The following GPC5 variants were observed in gnomAD, a reference collection of about 807,000 sequenced individuals.
The protein encoded by GPC5 is glypican-5.
Under a neutral mutation model 53.9 loss-of-function variants are expected in GPC5, and 47 were observed. That is an observed-to-expected ratio of 0.87 (90% CI 0.69 to 1.11). GPC5 has a LOEUF of 1.11. Ranked by LOEUF, GPC5 falls within the 50% of genes most tolerant of loss-of-function variation. GPC5 has a pLI of 0.00. For synonymous variants in GPC5, 286 were observed against 263.3 expected (o/e 1.09, Z -0.84); for missense variants, 748 against 713.1 (o/e 1.05, Z -0.56).
chr13:92,555,556 A>C (rs187802477), intron 7 of GPC5, among the ~76,000 whole-genome samples: 27 of 150,954 alleles, frequency 1.8e-4, no homozygotes, highest in Non-Finnish European at 3.0e-4. Context: ...GAAATGATTT[A>C]CCTTACAATT....
At chr13:91,650,590 A>G (rs905990712) in intron 2 of GPC5, among the ~76,000 whole-genome samples, 19 of 152,122 alleles carry the variant, frequency 1.2e-4, no homozygotes, top group African/African-American at 4.6e-4. Context: ...CCTGGAGAAT[A>G]TAAAATATAC....
At chr13:91,862,388 G>A (rs9523438) in intron 5 of GPC5, among the ~76,000 whole-genome samples, 90,341 of 152,018 alleles carry the variant, frequency 0.59, 27,504 homozygotes, top group East Asian at 0.95. Flanking sequence ...ACATCTGATA[G>A]TAGCTCAAGA....
At chr13:91,986,158 C>T (rs1451411590) in intron 6 of GPC5, among the ~76,000 whole-genome samples, 3 of 147,128 alleles carry the variant, frequency 2.0e-5, no homozygotes, top group Non-Finnish European at 4.5e-5. Context: ...CTCCGCCTCC[C>T]AGGTTCATAC....
chr13:92,408,504 C>CAGAGACT, intron 7 of GPC5, among the ~76,000 whole-genome samples: 1 of 151,954 alleles, frequency 6.6e-6, no homozygotes, highest in Non-Finnish European at 1.5e-5. Context: ...TCATCTGTAA[C>CAGAGACT]TAAGTCTCTG....
At chr13:92,693,935 T>C (rs1406900561) in intron 7 of GPC5, among the ~76,000 whole-genome samples, 2 of 152,180 alleles carry the variant, frequency 1.3e-5, no homozygotes, top group Non-Finnish European at 2.9e-5. Flanking sequence ...AATGATTTCA[T>C]GGGTCAGGCC....
At chr13:92,064,389 A>G (rs1464659618) in intron 6 of GPC5, among the ~76,000 whole-genome samples, 1 of 152,178 alleles carries the variant, frequency 6.6e-6, no homozygotes, top group East Asian at 1.9e-4. Context: ...CAGGCTGGAC[A>G]TTTGGATAGT....
At chr13:91,967,501 A>C (rs2040192335) in intron 6 of GPC5, among the ~76,000 whole-genome samples, 1 of 152,094 alleles carries the variant, frequency 6.6e-6, no homozygotes, top group South Asian at 2.1e-4. Flanking sequence ...AAATTAAAAA[A>C]ATTATTTTTC....
chr13:91,763,752 A>C (rs2037464922), intron 5 of GPC5, among the ~76,000 whole-genome samples: 2 of 152,072 alleles, frequency 1.3e-5, no homozygotes, highest in Admixed American at 1.3e-4. Context: ...TTTTTATTTC[A>C]TTGATAGTCC....
intron 2 of GPC5, among the ~76,000 whole-genome samples, chr13:91,640,635 C>T (rs1404721581): frequency 1.3e-5 from 2 of 151,898 alleles, no homozygotes; most frequent in South Asian, 2.1e-4. Flanking sequence ...TAGGTTTATA[C>T]CTAAAGGAAT....
At chr13:92,034,642 A>G (rs531401573) in intron 6 of GPC5, among the ~76,000 whole-genome samples, 172 of 152,284 alleles carry the variant, frequency 1.1e-3, no homozygotes, top group Non-Finnish European at 1.8e-3. Context: ...GCTTACCTGT[A>G]TGTTCACTTT....
At chr13:92,220,800 T>A (rs925888938) in intron 7 of GPC5, among the ~76,000 whole-genome samples, 19 of 152,224 alleles carry the variant, frequency 1.2e-4, no homozygotes, top group African/African-American at 4.6e-4. Context: ...TTTCTTTTCA[T>A]GTCTGGTAAT....
At chr13:92,496,022 T>C (rs1352425746) in intron 7 of GPC5, among the ~76,000 whole-genome samples, 1 of 152,162 alleles carries the variant, frequency 6.6e-6, no homozygotes, top group Non-Finnish European at 1.5e-5. Context: ...TATTTTCTCT[T>C]GAACTCTACA....
At chr13:92,711,766 A>T (rs1888146796) in intron 7 of GPC5, among the ~76,000 whole-genome samples, 2 of 152,094 alleles carry the variant, frequency 1.3e-5, no homozygotes, top group African/African-American at 4.8e-5. Context: ...TCAAATTAGA[A>T]ATCAATAGCA....
At chr13:92,828,522 A>G (rs915020273) in intron 7 of GPC5, among the ~76,000 whole-genome samples, 2 of 152,144 alleles carry the variant, frequency 1.3e-5, no homozygotes, top group Non-Finnish European at 2.9e-5. Flanking sequence ...TGTTCACTGT[A>G]TGTTTGATGT....
chr13:92,752,199 C>G (rs1176227131), intron 7 of GPC5, among the ~76,000 whole-genome samples: 1 of 152,076 alleles, frequency 6.6e-6, no homozygotes, highest in South Asian at 2.1e-4. Context: ...CTGTGCTTTG[C>G]AGGAAGTTTA....
chr13:91,403,848 A>G (rs1482183105), intron 1 of GPC5, among the ~76,000 whole-genome samples: 1 of 152,174 alleles, frequency 6.6e-6, no homozygotes, highest in East Asian at 1.9e-4. Flanking sequence ...GCTGAACTAT[A>G]CTGATCACAC....
rs539797611 is a variant in GPC5 at position 91,541,553 on chromosome 13, C to A, written c.325+92631C>A. Among the ~76,000 whole-genome samples the A allele has an allele frequency of 2.0e-5, 3 of 152,048 alleles. No individual in the cohort carries two copies. In the South Asian group the frequency reaches 6.2e-4, roughly 32 times the overall value. The stretch of plus-strand genomic sequence containing the variant: ...TAGCAGGAAAATATTCCACTTGTTA[C>A]ATTTCTTTCCCATCTCTTAAAGAGG... On this transcript the variant is annotated intron_variant, in intron 2 of 7. Transcript: ENST00000377067.
chr13:92,148,491 C>T (rs892160617), intron 7 of GPC5, among the ~76,000 whole-genome samples: 2 of 152,046 alleles, frequency 1.3e-5, no homozygotes, highest in Non-Finnish European at 2.9e-5. Context: ...TAAATGTTAA[C>T]TAATGTTTCT....
At chr13:91,636,834 T>C (rs895981300) in intron 2 of GPC5, among the ~76,000 whole-genome samples, 1 of 152,116 alleles carries the variant, frequency 6.6e-6, no homozygotes, top group South Asian at 2.1e-4. Context: ...GGTGCGTGCC[T>C]GTAGACCTGA....
Sources: gnomAD v4.1 joint callset for allele counts (sites outside exome capture counted in the v4.1 genomes callset) on GRCh38, gnomAD v4.1.1 for gene constraint, MANE v1.5 for transcripts, NCBI Gene and HGNC (gene_info 2026-07-23, HGNC 2026-07-21) for gene names.